VPS13B: variants seen among roughly 807,000 people sequenced by gnomAD.
VPS13B encodes intermembrane lipid transfer protein VPS13B.
Under a neutral mutation model 426.4 loss-of-function variants are expected in VPS13B, and 285 were observed. That is an observed-to-expected ratio of 0.67 (90% CI 0.61 to 0.74). VPS13B has a LOEUF of 0.74. Among genes scored for constraint, VPS13B ranks in the 30% least tolerant of loss-of-function variants. The pLI is 0.00. For missense variants in VPS13B, 4,537 were observed against 4,782.6 expected (o/e 0.95, Z 1.51); for synonymous variants, 1,676 against 1,676.4 (o/e 1.00, Z 0.01).
intron 25 of VPS13B, among the ~76,000 whole-genome samples, chr8:99,485,378 TAAG>T (rs1381782711): frequency 6.6e-6 from 1 of 152,124 alleles, no homozygotes; most frequent in African/African-American, 2.4e-5. Flanking sequence ...TAAAAAATAT[TAAG>T]AACATATTTA....
At chr8:99,026,288 T>C (rs1240762639) in intron 2 of VPS13B, among the ~76,000 whole-genome samples, 1 of 152,220 alleles carries the variant, frequency 6.6e-6, no homozygotes, top group Non-Finnish European at 1.5e-5. Context: ...TTAATTTTCG[T>C]GTATTTGTAC....
intron 20 of VPS13B, among the ~76,000 whole-genome samples, chr8:99,390,835 T>C (rs1161409179): frequency 6.6e-5 from 10 of 152,220 alleles, no homozygotes; most frequent in Admixed American, 6.5e-4. Flanking sequence ...ATGACAAAAT[T>C]GTATTGGGCA....
chr8:99,471,701 A>G (rs769576212), intron 24 of VPS13B, among the ~76,000 whole-genome samples: 6 of 152,174 alleles, frequency 3.9e-5, no homozygotes, highest in Non-Finnish European at 7.4e-5. Context: ...TATGGTCTCA[A>G]TTAGGAATCT....
At position 99,699,538 on chromosome 8, in the gene VPS13B, G is replaced by A. The variant is rs1588635636; in HGVS notation, c.6060G>A (p.Leu2020=). 6.2e-7 allele frequency: 1 copy of A among 1,613,502 alleles called. No homozygotes were observed. Among genetic ancestry groups the A allele is most frequent in the African/African-American group, 1.3e-5 (1 of 74,974 alleles). ...DFLNGPADVN[L]DISKPLKANL... ...TTACTTCTATAGCGGATGTCAATTTGGATATATCAAAGCCTTTGAAAGCAA... is the reference window on the plus strand; with the variant it reads ...TTACTTCTATAGCGGATGTCAATTTAGATATATCAAAGCCTTTGAAAGCAA... The change falls in exon 36 of 62, where the codon TTG becomes TTA. Residue 2020 remains leucine (L), a synonymous_variant. Coordinates refer to ENST00000357162, the MANE Select transcript of VPS13B (RefSeq NM_152564.5).
At chr8:99,185,853 C>T (rs912394557) in intron 16 of VPS13B, among the ~76,000 whole-genome samples, 3 of 152,198 alleles carry the variant, frequency 2.0e-5, no homozygotes, top group Non-Finnish European at 4.4e-5. Flanking sequence ...CCTGAAATTT[C>T]ATCAGCTCTC....
chr8:99,458,299 T>G (rs891451563), intron 23 of VPS13B, among the ~76,000 whole-genome samples: 21 of 152,216 alleles, frequency 1.4e-4, no homozygotes, highest in African/African-American at 5.1e-4. Context: ...TGCCACATTT[T>G]CTTAATCCAG....
At chr8:99,584,986 T>C (rs1413943256) in intron 33 of VPS13B, among the ~76,000 whole-genome samples, 1 of 152,202 alleles carries the variant, frequency 6.6e-6, no homozygotes, top group Non-Finnish European at 1.5e-5. Flanking sequence ...ACATTTTCTG[T>C]AACTGACTTA....
intron 24 of VPS13B, among the ~76,000 whole-genome samples, chr8:99,478,055 T>C (rs1819787987): frequency 6.6e-6 from 1 of 151,418 alleles, no homozygotes. Flanking sequence ...TTGAGACCAC[T>C]TGAGCAACAT....
intron 21 of VPS13B, among the ~76,000 whole-genome samples, chr8:99,392,500 A>G (rs1814500075): frequency 6.6e-6 from 1 of 152,090 alleles, no homozygotes; most frequent in Admixed American, 6.6e-5. Flanking sequence ...ATTCCCAACC[A>G]CATTGATAAA....
intron 11 of VPS13B, among the ~76,000 whole-genome samples, chr8:99,136,463 A>G (rs1384730876): frequency 6.6e-6 from 1 of 152,150 alleles, no homozygotes; most frequent in African/African-American, 2.4e-5. Flanking sequence ...TCATAAAAGT[A>G]TGGATGTCTT....
At chr8:99,842,615 A>C (rs1588772186) in intron 54 of VPS13B, among the ~76,000 whole-genome samples, 1 of 152,128 alleles carries the variant, frequency 6.6e-6, no homozygotes, top group Non-Finnish European at 1.5e-5. Flanking sequence ...ACCCGTCTCT[A>C]TTTTTTAAAA....
intron 17 of VPS13B, among the ~76,000 whole-genome samples, chr8:99,224,540 CTA>C (rs1192238755): frequency 6.6e-6 from 1 of 151,970 alleles, no homozygotes; most frequent in Non-Finnish European, 1.5e-5. Context: ...AATCATAAGA[CTA>C]TAGCTAATTA....
intron 3 of VPS13B, among the ~76,000 whole-genome samples, chr8:99,051,327 G>A (rs1011153824): frequency 2.0e-5 from 3 of 152,124 alleles, no homozygotes; most frequent in African/African-American, 7.2e-5. Context: ...TCTGTCAAAG[G>A]TCAGATGATT....
intron 35 of VPS13B, among the ~76,000 whole-genome samples, chr8:99,680,327 G>A (rs1414355883): frequency 6.6e-6 from 1 of 152,158 alleles, no homozygotes; most frequent in Non-Finnish European, 1.5e-5. Flanking sequence ...CCCACAAGGT[G>A]TGCATTAACA....
intron 21 of VPS13B, among the ~76,000 whole-genome samples, chr8:99,421,006 TACA>T (rs1188183416): frequency 6.6e-6 from 1 of 152,210 alleles, no homozygotes; most frequent in Non-Finnish European, 1.5e-5. Flanking sequence ...TCGTATACAT[TACA>T]ACATTTAAAT....
rs954515424 is a variant in VPS13B at position 99,139,582 on chromosome 8, C to T, written c.1651+2830C>T. 1.1e-4 allele frequency among the ~76,000 whole-genome samples: 17 copies of T among 151,958 alleles called. No homozygotes were observed. The East Asian group carries it at 1.2e-3, about 10-fold the overall frequency. ...CCTCCCCAGTAGCTGGGACTACAGG[C>T]GCCCGCCACCACGCCTGGCTAACTT... is the stretch of plus-strand genomic sequence containing the variant. On this transcript the variant is annotated intron_variant, in intron 12 of 61. Transcript: ENST00000357162.
chr8:99,698,971 T>C (rs1832150720), intron 35 of VPS13B, among the ~76,000 whole-genome samples: 2 of 151,986 alleles, frequency 1.3e-5, no homozygotes, highest in Non-Finnish European at 2.9e-5. Context: ...ATGCAGAGTG[T>C]AGGGAAAGGT....
intron 39 of VPS13B, among the ~76,000 whole-genome samples, chr8:99,744,960 T>G (rs1004265784): frequency 6.6e-6 from 1 of 151,902 alleles, no homozygotes; most frequent in African/African-American, 2.4e-5. Flanking sequence ...CCCTAAAACT[T>G]AAAGTATAAT....
chr8:99,586,861 G>A (rs1040933047), intron 33 of VPS13B, among the ~76,000 whole-genome samples: 1 of 152,022 alleles, frequency 6.6e-6, no homozygotes. Context: ...AAGTTCTAGG[G>A]TACATGTGCA....
Sources: allele counts gnomAD v4.1 joint callset (sites outside exome capture counted in the v4.1 genomes callset), GRCh38; gene constraint gnomAD v4.1.1; transcripts MANE v1.5; gene names NCBI Gene and HGNC (gene_info 2026-07-23, HGNC 2026-07-21).